IFT172: variants seen among roughly 807,000 people sequenced by gnomAD.
IFT172 encodes intraflagellar transport protein 172 homolog.
A neutral mutation model predicts 248.9 loss-of-function variants in IFT172; 164 were observed. The ratio of observed to expected loss-of-function variants is 0.66; its 90% confidence interval spans 0.58 to 0.75. The LOEUF (loss-of-function observed/expected upper bound fraction) is 0.75. IFT172 is among the 30% of genes least tolerant of loss of function. The pLI is 0.00. For missense variants in IFT172, 1,950 were observed against 2,192.4 expected, an observed-to-expected ratio of 0.89 and a Z score of 2.21; for synonymous variants, 729 against 791.6, an observed-to-expected ratio of 0.92 and a Z score of 1.33.
At chr2:27,458,461 A>C (rs1407837464) in intron 26 of IFT172, among the ~76,000 whole-genome samples, 3 of 152,054 alleles carry the variant, frequency 2.0e-5, no homozygotes, top group African/African-American at 7.2e-5. Flanking sequence ...TCCCATTACC[A>C]CGGTAACCAC....
chr2:27,472,382 G>A lies in IFT172; in HGVS notation c.1412-20C>T, dbSNP rs1487705973. ...GATCCACTATAGAATAAAGGAGACA[G>A]GGTTAAGAAGAGAGATTCCACACAT... On this transcript the variant is annotated intron_variant, in intron 14 of 47. Transcript: ENST00000260570. The A allele has an allele frequency of 3.1e-6, 5 of 1,592,216 alleles. No individual in the cohort carries two copies. The highest frequency in any genetic ancestry group is 4.3e-6 in the Non-Finnish European group (5 of 1,161,620).
chr2:27,481,454 T>TACACAC lies in IFT172; in HGVS notation c.571-200_571-195dup, dbSNP rs764036982. On this transcript the variant is annotated intron_variant, in intron 7 of 47. Transcript: ENST00000260570. ...ACACACACACACACACACACACACA[T>TACACAC]ACACACACACACACACCCCTATACA... Among the ~76,000 whole-genome samples, 1,116 of 135,640 alleles carry TACACAC rather than the reference T, an allele frequency of 8.2e-3. 7 individuals are homozygous for TACACAC. The highest frequency in any genetic ancestry group is 0.013 in the Non-Finnish European group (781 of 62,038). The allele number at this position is 135,640 out of a possible 152,430, so 89.0% of individuals were successfully genotyped here.
intron 7 of IFT172, among the ~76,000 whole-genome samples, 170 bp from the exon 8 acceptor site, chr2:27,481,430 CACACACACACACACACACACACAT>C (rs1177765087): frequency 6.7e-6 from 1 of 148,186 alleles, no homozygotes; most frequent in Non-Finnish European, 1.5e-5. Context: ...AATTGTCACA[CACACACACACACACACACACACAT>C]ACACACACAC....
At chr2:27,488,471 G>A (rs1482500088) in intron 1 of IFT172, among the ~76,000 whole-genome samples, 1 of 152,004 alleles carries the variant, frequency 6.6e-6, no homozygotes, top group Non-Finnish European at 1.5e-5. Context: ...TTTTGTAGAG[G>A]TCTTGGAATC....
chr2:27,488,336 T>C (rs934391595), intron 1 of IFT172, among the ~76,000 whole-genome samples: 3 of 151,900 alleles, frequency 2.0e-5, no homozygotes, highest in Admixed American at 6.6e-5. Flanking sequence ...GCATTTTTAG[T>C]AGAGATGGGG....
At chr2:27,467,088 TACCTTAAAAGATGA>T (rs1335212505) in intron 16 of IFT172, among the ~76,000 whole-genome samples, 2 of 151,996 alleles carry the variant, frequency 1.3e-5, no homozygotes, top group African/African-American at 4.8e-5. Flanking sequence ...AGCACCTAAA[TACCTTAAAAGATGA>T]AATGAAAAAT....
rs113135239 is a variant in IFT172 at position 27,471,708 on chromosome 2, T to C, written c.1524+542A>G. On this transcript the variant is annotated intron_variant, in intron 15 of 47. Transcript: ENST00000260570. Reference sequence around the variant, plus strand: ...CAACTTCCAAACTCCCTTCTTGACTTTGTTGCCATAATACAATCACCTCTG... The same window carrying C: ...CAACTTCCAAACTCCCTTCTTGACTCTGTTGCCATAATACAATCACCTCTG... 836 of 160,964 alleles carry C rather than the reference T, an allele frequency of 5.2e-3. 8 individuals are homozygous for C. Among genetic ancestry groups the C allele is most frequent in the African/African-American group, 0.019 (793 of 41,658 alleles). 10.0% of individuals were successfully genotyped at this position (160,964 alleles called of 1,614,324 possible). A position where few individuals can be genotyped will look rare whatever the true frequency, so the allele number is the denominator to read the frequency against.
chr2:27,481,626 G>A (rs1045467743), intron 7 of IFT172, among the ~76,000 whole-genome samples: 1 of 148,952 alleles, frequency 6.7e-6, no homozygotes, highest in Admixed American at 6.8e-5. Context: ...TGCAACCTCC[G>A]CCTCCCCAGG....
chr2:27,449,917 C>T, intron 36 of IFT172, 81 bp downstream of exon 36: 1 of 1,425,770 alleles, frequency 7.0e-7, no homozygotes, highest in Non-Finnish European at 9.8e-7. Flanking sequence ...GCCCACCTCA[C>T]ACACCTTCCT....
chr2:27,461,198 C>T lies in IFT172; in HGVS notation c.2442+71G>A, dbSNP rs148902688. 60 of 1,612,452 alleles carry T rather than the reference C, an allele frequency of 3.7e-5. No homozygotes were observed. The East Asian group carries it at 1.2e-3, about 34-fold the overall frequency. On this transcript the variant is annotated intron_variant, in intron 22 of 47. Coordinates refer to ENST00000260570, the MANE Select transcript of IFT172 (RefSeq NM_015662.3). ...AGCAGTCAGGAAGCGCTCTGCACCC[C>T]AAGACTCCTCTGGGTAAGGGAAGGG... is the stretch of plus-strand genomic sequence containing the variant.
intron 18 of IFT172, 194 bp downstream of exon 18, chr2:27,465,217 G>A (rs1208318365): frequency 1.7e-6 from 1 of 600,622 alleles, no homozygotes; most frequent in Non-Finnish European, 3.0e-6. Flanking sequence ...ATCACGCCTG[G>A]TCAAGGCATA....
Position 27,445,293 on chromosome 2 carries a change from T to C in IFT172, c.5068+3A>G, listed in dbSNP as rs1664957671. 3.1e-6 allele frequency: 5 copies of C among 1,610,862 alleles called. No individual in the cohort carries two copies. The highest frequency in any genetic ancestry group is 1.3e-5 in the African/African-American group (1 of 74,980). On this transcript the variant is annotated splice_donor_region_variant and intron_variant, in intron 46 of 47. Transcript: ENST00000260570. This position sits in a 1 kb window ranked among gnomAD's most constrained non-coding sequence, Gnocchi z 4.4. ...GGATCTGGGGTGCTGTAGGCTTCTA[T>C]ACCTGTAATAAGGCAGGGCAGGGCT...
intron 3 of IFT172, 100 bp downstream of exon 3, chr2:27,484,918 C>G: frequency 1.3e-6 from 1 of 750,378 alleles, no homozygotes. Flanking sequence ...AATGGCCAAG[C>G]TTGGCTTCTC....
At position 27,483,444 on chromosome 2, in the gene IFT172, C is replaced by G. The variant is rs962216189; in HGVS notation, c.483-68G>C. On this transcript the variant is annotated intron_variant, in intron 6 of 47. Transcript: ENST00000260570. ...TATCTCACCAAGAAAGCCCCTTTCTCTGTCAAACACAACCTTGTCTGTGCT... is the reference window on the plus strand; with the variant it reads ...TATCTCACCAAGAAAGCCCCTTTCTGTGTCAAACACAACCTTGTCTGTGCT... 4.3e-6 allele frequency: 6 copies of G among 1,392,024 alleles called. No homozygotes were observed. In the African/African-American group the frequency reaches 8.6e-5, roughly 20 times the overall value. The allele number at this position is 1,392,024 out of a possible 1,614,324, so 86.2% of individuals were successfully genotyped here.
chr2:27,480,863 C>T (rs1039970995), intron 8 of IFT172, among the ~76,000 whole-genome samples, 183 bp downstream of exon 8: 3 of 152,112 alleles, frequency 2.0e-5, no homozygotes, highest in African/African-American at 7.2e-5. Context: ...AACAAGAGCC[C>T]AGGACATTTT....
chr2:27,446,471 T>C, intron 42 of IFT172, 116 bp from the exon 43 acceptor site: 1 of 869,650 alleles, frequency 1.1e-6, no homozygotes, highest in Non-Finnish European at 1.8e-6. Context: ...TAAACTGCTC[T>C]GGATTCTCAA....
chr2:27,445,018 A>T lies in IFT172; in HGVS notation c.5156T>A (p.Ile1719Asn). 1 of 1,613,652 alleles carries T rather than the reference A, an allele frequency of 6.2e-7. No individual in the cohort carries two copies. The highest frequency in any genetic ancestry group is 8.5e-7 in the Non-Finnish European group (1 of 1,179,916). ...CTCCAAGTCCTCCTCTCTAACCTTGATGGCCATAAGGAATTTATTCCAGTT... is the reference window on the plus strand; with the variant it reads ...CTCCAAGTCCTCCTCTCTAACCTTGTTGGCCATAAGGAATTTATTCCAGTT... ...KDNWNKFLMA[I>N]KTSHSPVCQD... Residue 1719 changes from isoleucine to asparagine, a missense_variant, in exon 47 of 48, where the codon ATC becomes AAC. This residue lies in a region of IFT172 where 620 missense variants were observed against 699.0 expected (regional missense o/e 0.89). Coordinates refer to ENST00000260570, the MANE Select transcript of IFT172 (RefSeq NM_015662.3). This position sits in a 1 kb window ranked among gnomAD's most constrained non-coding sequence, Gnocchi z 4.4.
chr2:27,487,872 A>G (rs1267302484), intron 1 of IFT172, among the ~76,000 whole-genome samples: 1 of 152,194 alleles, frequency 6.6e-6, no homozygotes, highest in Non-Finnish European at 1.5e-5. Context: ...GGCATGAACC[A>G]CTGCGCCTGG....
intron 7 of IFT172, among the ~76,000 whole-genome samples, chr2:27,481,462 C>T (rs1220661808): frequency 1.3e-5 from 2 of 151,800 alleles, no homozygotes; most frequent in Non-Finnish European, 2.9e-5. Context: ...CATACACACA[C>T]ACACACACCC....
Sources: gnomAD v4.1 joint callset for allele counts (sites outside exome capture counted in the v4.1 genomes callset) on GRCh38, gnomAD v4.1.1 for gene constraint, gnomAD v4.1.1 regional missense constraint, Gnocchi (gnomAD v3.1) non-coding constraint, MANE v1.5 for transcripts, NCBI Gene and HGNC (gene_info 2026-07-23, HGNC 2026-07-21) for gene names.